Variants in NRG1 observed in about 807,000 individuals in gnomAD.
NRG1 encodes pro-neuregulin-1, membrane-bound isoform.
A neutral mutation model predicts 63.8 loss-of-function variants in NRG1; 18 were observed. That is an observed-to-expected ratio of 0.28 (90% CI 0.19 to 0.42). The LOEUF (loss-of-function observed/expected upper bound fraction) is 0.42. NRG1 is among the 10% of genes least tolerant of loss of function. NRG1 has a pLI of 1.00. For missense variants in NRG1, 762 were observed against 814.7 expected (o/e 0.94, Z 0.79); for synonymous variants, 302 against 301.3 (o/e 1.00, Z -0.02).
At chr8:31,889,920 T>G (rs560843188) in intron 1 of NRG1, among the ~76,000 whole-genome samples, 132 of 152,086 alleles carry the variant, frequency 8.7e-4, no homozygotes, top group African/African-American at 2.9e-3. Flanking sequence ...CCTATATTAA[T>G]TAACCTGATA....
chr8:31,749,180 A>G (rs1816196190), intron 1 of NRG1, among the ~76,000 whole-genome samples: 1 of 151,910 alleles, frequency 6.6e-6, no homozygotes, highest in Non-Finnish European at 1.5e-5. Context: ...TATCAACTCT[A>G]GAAAAATACA....
At chr8:32,573,141 T>A (rs966773955) in intron 1 of NRG1, among the ~76,000 whole-genome samples, 1 of 152,196 alleles carries the variant, frequency 6.6e-6, no homozygotes, top group Non-Finnish European at 1.5e-5. Flanking sequence ...TCCAGTTTGT[T>A]CATAGACCTC....
At position 31,997,956 on chromosome 8, in the gene NRG1, G is replaced by T. The variant is rs375355465; in HGVS notation, c.37+358525G>T. Among the ~76,000 whole-genome samples the T allele has an allele frequency of 1.8e-4, 28 of 152,100 alleles. No homozygotes were observed. The East Asian group carries it at 5.3e-3, about 29-fold the overall frequency. On this transcript the variant is annotated intron_variant, in intron 1 of 10. Transcript: ENST00000519301. ...ATGGAATAAGTAAGTCTCAAATCTGGACAGTCTATCTTGAGAAATGCATGC... is the reference window on the plus strand; with the variant it reads ...ATGGAATAAGTAAGTCTCAAATCTGTACAGTCTATCTTGAGAAATGCATGC...
At chr8:32,666,651 A>C (rs1241387985) in intron 5 of NRG1, among the ~76,000 whole-genome samples, 1 of 152,096 alleles carries the variant, frequency 6.6e-6, no homozygotes, top group Non-Finnish European at 1.5e-5. Flanking sequence ...CATACCATGA[A>C]ATTTGCTGTC....
chr8:32,234,873 C>T (rs1847369137), intron 1 of NRG1, among the ~76,000 whole-genome samples: 1 of 151,952 alleles, frequency 6.6e-6, no homozygotes, highest in East Asian at 1.9e-4. Context: ...TCCTTCATAC[C>T]CCACCTCTGT....
At chr8:31,964,151 G>C (rs192584121) in intron 1 of NRG1, among the ~76,000 whole-genome samples, 39 of 152,328 alleles carry the variant, frequency 2.6e-4, no homozygotes, top group African/African-American at 8.7e-4. Context: ...CACAGGATCA[G>C]AGCAGGTCAT....
chr8:32,336,102 C>T (rs1047833358), intron 1 of NRG1, among the ~76,000 whole-genome samples: 1 of 152,214 alleles, frequency 6.6e-6, no homozygotes, highest in Non-Finnish European at 1.5e-5. Flanking sequence ...AGAAGACACC[C>T]ACAGGGTCAG....
At chr8:32,314,759 C>G (rs558261092) in intron 1 of NRG1, among the ~76,000 whole-genome samples, 2 of 152,326 alleles carry the variant, frequency 1.3e-5, no homozygotes, top group South Asian at 4.1e-4. Flanking sequence ...GAGGAAGCCC[C>G]CAGATGGGTC....
chr8:32,337,683 G>T (rs1332049219), intron 1 of NRG1, among the ~76,000 whole-genome samples: 1 of 30,104 alleles, frequency 3.3e-5, no homozygotes, highest in Non-Finnish European at 7.7e-5. Context: ...AAAAAAAAAA[G>T]CTGATGCAGT....
At chr8:32,644,324 T>C (rs1051333053) in intron 5 of NRG1, among the ~76,000 whole-genome samples, 2 of 152,212 alleles carry the variant, frequency 1.3e-5, no homozygotes, top group Admixed American at 1.3e-4. Context: ...TAAAATGATA[T>C]ATCCTTGCAG....
At chr8:32,374,707 G>A (rs1448771666) in intron 1 of NRG1, among the ~76,000 whole-genome samples, 2 of 152,160 alleles carry the variant, frequency 1.3e-5, no homozygotes, top group African/African-American at 4.8e-5. Context: ...ATCCTACTGA[G>A]AGAACAGATA....
At chr8:32,721,644 CTTTCTTTCTTTTTCAAGTACATA>C in intron 5 of NRG1, 1 of 209,278 alleles carries the variant, frequency 4.8e-6, no homozygotes. Flanking sequence ...CCTCTGGCCA[CTTTCTTTCTTTTTCAAGTACATA>C]TTTGCTATTC....
chr8:31,862,479 G>A (rs1468896488), intron 1 of NRG1, among the ~76,000 whole-genome samples: 1 of 152,038 alleles, frequency 6.6e-6, no homozygotes, highest in African/African-American at 2.4e-5. Context: ...TTTGATATTT[G>A]TACTTTTTCT....
chr8:31,978,843 T>C lies in NRG1; in HGVS notation c.37+339412T>C, dbSNP rs183669481. Among the ~76,000 whole-genome samples, 503 of 152,320 alleles carry C rather than the reference T, an allele frequency of 3.3e-3. 2 individuals carry two copies. Among genetic ancestry groups the C allele is most frequent in the South Asian group, 0.022 (104 of 4,826 alleles). On this transcript the variant is annotated intron_variant, in intron 1 of 10. Coordinates refer to the NRG1 transcript ENST00000519301. ...TGATAAATTTTTATGAGAATCATAA[T>C]TAATCATATAGTTCAAATTTCATGG...
chr8:31,920,895 GAT>G (rs1265661198), intron 1 of NRG1, among the ~76,000 whole-genome samples: 2 of 91,446 alleles, frequency 2.2e-5, no homozygotes, highest in East Asian at 6.4e-4. Flanking sequence ...TAGATAGATA[GAT>G]AGATAGATAG....
chr8:32,253,894 G>C (rs2347069), intron 1 of NRG1, among the ~76,000 whole-genome samples: 105,238 of 151,810 alleles, frequency 0.69, 37,015 homozygotes, highest in African/African-American at 0.79. Flanking sequence ...TCAGGGATTT[G>C]ACTTCTTCCT....
intron 1 of NRG1, among the ~76,000 whole-genome samples, chr8:32,257,331 G>GA (rs535593493): frequency 2.6e-5 from 4 of 151,918 alleles, no homozygotes; most frequent in African/African-American, 9.7e-5. Context: ...CCACTGGTAT[G>GA]AAAAAAAACT....
At chr8:32,181,132 G>A (rs1044440415) in intron 1 of NRG1, among the ~76,000 whole-genome samples, 1 of 152,174 alleles carries the variant, frequency 6.6e-6, no homozygotes, top group South Asian at 2.1e-4. Context: ...AAGAAGAAAT[G>A]TGTGAATAGT....
At chr8:32,666,005 A>G (rs1409959715) in intron 5 of NRG1, among the ~76,000 whole-genome samples, 1 of 152,216 alleles carries the variant, frequency 6.6e-6, no homozygotes, top group Non-Finnish European at 1.5e-5. Flanking sequence ...GTATGCAAGA[A>G]TTCCAGTTTC....
Sources: allele counts gnomAD v4.1 joint callset (sites outside exome capture counted in the v4.1 genomes callset), GRCh38; gene constraint gnomAD v4.1.1; transcripts MANE v1.5; gene names NCBI Gene and HGNC (gene_info 2026-07-23, HGNC 2026-07-21).